The following TRIM4 variants were observed in gnomAD, a reference collection of about 807,000 sequenced individuals.
TRIM4 encodes E3 ubiquitin-protein ligase TRIM4.
A neutral mutation model predicts 33.7 loss-of-function variants in TRIM4; 29 were observed. That is an observed-to-expected ratio of 0.86 (90% CI 0.64 to 1.17). TRIM4 has a LOEUF of 1.17. TRIM4 is among the 50% of genes most tolerant of loss of function. TRIM4 has a pLI of 0.00. For missense variants in TRIM4, 554 were observed against 593.7 expected (o/e 0.93, Z 0.69); for synonymous variants, 224 against 233.0 (o/e 0.96, Z 0.35).
rs1353989772 is a variant in TRIM4, at chr7:99,908,627, T to C, written c.675A>G (p.Leu225=). The C allele has an allele frequency of 1.9e-6, 3 of 1,614,096 alleles. No homozygotes were observed. Among genetic ancestry groups the C allele is most frequent in the Non-Finnish European group, 2.5e-6 (3 of 1,179,994 alleles). The change falls in exon 3 of 6, where the codon TTA becomes TTG. Residue 225 remains leucine (L), a synonymous_variant. Coordinates refer to ENST00000349062, the MANE Select transcript of TRIM4 (RefSeq NM_033091.3). The part of the protein sequence containing the change: ...QTIASLKKLI[L]EVGEKSQAPT... ...GAGCCTGGCTCTTCTCCCCCACCTC[T>C]AAGATGAGCTTCTTCAATGAAGCGA... is the stretch of plus-strand genomic sequence containing the variant.
At chr7:99,903,087 C>A in intron 5 of TRIM4, 131 bp downstream of exon 5, 1 of 668,854 alleles carries the variant, frequency 1.5e-6, no homozygotes, top group East Asian at 2.6e-5. Context: ...AAGTGTATAC[C>A]CATTTATTAA....
intron 5 of TRIM4, chr7:99,901,972 A>G (rs1369627164): frequency 1.6e-6 from 1 of 621,392 alleles, no homozygotes; most frequent in Non-Finnish European, 2.9e-6. Flanking sequence ...CAACTCAGCA[A>G]GTCTCCCTGG....
intron 1 of TRIM4, among the ~76,000 whole-genome samples, chr7:99,917,257 C>T (rs563729607): frequency 6.6e-6 from 1 of 152,310 alleles, no homozygotes; most frequent in Non-Finnish European, 1.5e-5. Flanking sequence ...CCACTTATGT[C>T]CAGATTCTAA....
chr7:99,901,929 C>T lies in TRIM4; in HGVS notation c.841+1289G>A. 3 of 600,002 alleles carry T rather than the reference C, an allele frequency of 5.0e-6. No individual in the cohort carries two copies. The South Asian group carries it at 6.2e-5, about 12-fold the overall frequency. The allele number at this position is 600,002 out of a possible 1,614,324, so 37.2% of individuals were successfully genotyped here. A position where few individuals can be genotyped will look rare whatever the true frequency, so the allele number is the denominator to read the frequency against. ...CCCAGTACTTTGCGAACTCTCACTA[C>T]TTTGTTCTCCGTGAACTCCCAGGTC... On this transcript the variant is annotated intron_variant, in intron 5 of 5. Coordinates refer to ENST00000349062, the MANE Select transcript of TRIM4 (RefSeq NM_033091.3).
rs1819368394 is a variant in TRIM4, at chr7:99,908,788, T to C, written c.514A>G (p.Arg172Gly). 4 of 1,614,158 alleles carry C rather than the reference T, an allele frequency of 2.5e-6. No individual in the cohort carries two copies. In the Admixed American group the frequency reaches 5.0e-5, roughly 20 times the overall value. Residue 172 changes from arginine (R) to glycine (G), a missense_variant, in exon 3 of 6, where the codon AGA (arginine) becomes GGA (glycine). Transcript: ENST00000349062. The part of the protein sequence containing the change: ...WKDKIKSQRM[R>G]ISTEFSKLHN... Reference sequence around the variant, plus strand: ...AGCTTTGAAAACTCCGTGCTGATTCTCATTCGCTGACTCTTTATCTTATCC... The same window carrying C: ...AGCTTTGAAAACTCCGTGCTGATTCCCATTCGCTGACTCTTTATCTTATCC...
chr7:99,912,307 G>C (rs1328064997), intron 1 of TRIM4, among the ~76,000 whole-genome samples: 1 of 152,144 alleles, frequency 6.6e-6, no homozygotes, highest in African/African-American at 2.4e-5. Context: ...AAGGCAGGTG[G>C]ACAGCTTGAG....
rs184476493 is a variant in TRIM4 at position 99,911,384 on chromosome 7, G to A, written c.394-1724C>T. On this transcript the variant is annotated intron_variant, in intron 1 of 5. Transcript: ENST00000349062. ...AGACCATTTAAATTACAAAACTAGT[G>A]AATAGTGTCAAATGCTGGAGGGTGG... 4.5e-3 allele frequency among the ~76,000 whole-genome samples: 679 copies of A among 152,210 alleles called. 3 individuals carry two copies. Among genetic ancestry groups the A allele is most frequent in the African/African-American group, 0.015 (604 of 41,512 alleles).
At chr7:99,893,718 T>C (rs1563082563) in intron 5 of TRIM4, among the ~76,000 whole-genome samples, 3 of 152,106 alleles carry the variant, frequency 2.0e-5, no homozygotes, top group Admixed American at 2.0e-4. Context: ...CTACCAATTC[T>C]ACCTCTGAAA....
At chr7:99,910,372 G>C (rs1819412258) in intron 1 of TRIM4, among the ~76,000 whole-genome samples, 1 of 152,080 alleles carries the variant, frequency 6.6e-6, no homozygotes, top group Non-Finnish European at 1.5e-5. Context: ...AATATGTAAA[G>C]AAATGGTCAC....
chr7:99,909,732 T>TGG (rs1819396772), intron 1 of TRIM4, 72 bp from the exon 2 acceptor site: 1 of 662,966 alleles, frequency 1.5e-6, no homozygotes. Flanking sequence ...TCTTTTTGTT[T>TGG]TTTTTTTTTT....
chr7:99,919,159 G>A lies in TRIM4; in HGVS notation c.243C>T (p.Pro81=), dbSNP rs1289870465. 3 of 1,480,744 alleles carry A rather than the reference G, an allele frequency of 2.0e-6. No homozygotes were observed. Among genetic ancestry groups the A allele is most frequent in the East Asian group, 2.8e-5 (1 of 36,168 alleles). The allele number at this position is 1,480,744 out of a possible 1,614,324, so 91.7% of individuals were successfully genotyped here. A position where few individuals can be genotyped will look rare whatever the true frequency, so the allele number is the denominator to read the frequency against. The change falls in exon 1 of 6, where the codon CCC becomes CCT. Residue 81 remains proline (P), a synonymous_variant. Coordinates refer to ENST00000349062, the MANE Select transcript of TRIM4 (RefSeq NM_033091.3). ...TEKTQRRRLG[P]VPPGLCGRHW... ...GGCGGCCGCACAGGCCCGGGGGCAC[G>A]GGGCCCAGGCGCCGGCGCTGCGTCT...
At chr7:99,903,378 G>T in intron 4 of TRIM4, 63 bp from the exon 5 acceptor site, 1 of 1,414,414 alleles carries the variant, frequency 7.1e-7, no homozygotes, top group Non-Finnish European at 9.9e-7. Flanking sequence ...TCCACTCCCG[G>T]TCAAAGGTTC....
chr7:99,895,046 C>T (rs1818986094), intron 5 of TRIM4, among the ~76,000 whole-genome samples: 1 of 152,104 alleles, frequency 6.6e-6, no homozygotes, highest in South Asian at 2.1e-4. Flanking sequence ...TGTTGGCTTT[C>T]TGTATTTCAC....
At chr7:99,894,347 T>C (rs1333302464) in intron 5 of TRIM4, among the ~76,000 whole-genome samples, 1 of 152,184 alleles carries the variant, frequency 6.6e-6, no homozygotes, top group African/African-American at 2.4e-5. Flanking sequence ...ATTTCTTAAA[T>C]GTTTGGTGAA....
Position 99,919,117 on chromosome 7 carries a change from C to T in TRIM4, c.285G>A (p.Arg95=). ...GCCGCTGGTCGTCCTCGCAGAAGAG[C>T]CGCAGCGGCTCCCAGTGGCGGCCGC... The part of the protein sequence containing the change: ...GLCGRHWEPL[R]LFCEDDQRPV... The change falls in exon 1 of 6, where the codon CGG becomes CGA. Residue 95 remains arginine, a synonymous_variant. Coordinates refer to ENST00000349062, the MANE Select transcript of TRIM4 (RefSeq NM_033091.3). 1 of 1,521,518 alleles carries T rather than the reference C, an allele frequency of 6.6e-7. No homozygotes were observed. Among genetic ancestry groups the T allele is most frequent in the Non-Finnish European group, 8.8e-7 (1 of 1,134,214 alleles). The allele number at this position is 1,521,518 out of a possible 1,614,324, so 94.3% of individuals were successfully genotyped here. A position where few individuals can be genotyped will look rare whatever the true frequency, so the allele number is the denominator to read the frequency against.
At chr7:99,917,726 A>G (rs1819587022) in intron 1 of TRIM4, 1 of 828,208 alleles carries the variant, frequency 1.2e-6, no homozygotes, top group Admixed American at 6.2e-5. Context: ...TCTCAAAAAC[A>G]ATAATAATAA....
At chr7:99,903,339 C>T in intron 4 of TRIM4, 24 bp from the exon 5 acceptor site, 1 of 1,568,350 alleles carries the variant, frequency 6.4e-7, no homozygotes, top group Non-Finnish European at 8.7e-7. Context: ...GAAGACTGCT[C>T]TTAGGGGACA....
chr7:99,903,480 A>C, intron 4 of TRIM4, 96 bp downstream of exon 4: 1 of 1,531,610 alleles, frequency 6.5e-7, no homozygotes, highest in Non-Finnish European at 9.0e-7. Context: ...GGGTGTGCCC[A>C]GACTGACCTA....
chr7:99,893,386 G>C (rs766165161), intron 5 of TRIM4, among the ~76,000 whole-genome samples: 55 of 152,004 alleles, frequency 3.6e-4, no homozygotes, highest in Non-Finnish European at 7.4e-5. Context: ...ATCAAAACTA[G>C]AACCAAGGCT....
Sources: allele counts gnomAD v4.1 joint callset (sites outside exome capture counted in the v4.1 genomes callset), GRCh38; gene constraint gnomAD v4.1.1; transcripts MANE v1.5; gene names NCBI Gene and HGNC (gene_info 2026-07-23, HGNC 2026-07-21).